Variants in CNGB1 observed in about 807,000 individuals in gnomAD.
The protein encoded by CNGB1 is cyclic nucleotide gated channel subunit beta 1, also known as cyclic nucleotide-gated channel beta-1.
CNGB1 carries 126 observed loss-of-function variants against 151.7 expected under a neutral mutation model. That is an observed-to-expected ratio of 0.83 (90% CI 0.72 to 0.96). The LOEUF (loss-of-function observed/expected upper bound fraction) is 0.96, where lower values mean the gene tolerates loss of function less well. CNGB1 is among the 40% of genes least tolerant of loss of function. The pLI, the probability that CNGB1 is intolerant of heterozygous loss-of-function variation, is 0.00. For missense variants in CNGB1, 1,698 were observed against 1,627.0 expected (o/e 1.04, Z -0.75); for synonymous variants, 623 against 635.1 (o/e 0.98, Z 0.29).
intron 25 of CNGB1, among the ~76,000 whole-genome samples, chr16:57,910,082 G>A (rs932291565): frequency 5.3e-5 from 8 of 152,070 alleles, no homozygotes; most frequent in Admixed American, 3.3e-4. Flanking sequence ...CCCAACCATC[G>A]GAACGGACCC....
At chr16:57,939,171 G>A (rs896474907) in intron 16 of CNGB1, among the ~76,000 whole-genome samples, 11 of 152,108 alleles carry the variant, frequency 7.2e-5, no homozygotes, top group Admixed American at 5.2e-4. Flanking sequence ...GGCTGGGATC[G>A]GGATTTCCCC....
chr16:57,896,976 T>C (rs1380279122), intron 31 of CNGB1, among the ~76,000 whole-genome samples: 3 of 152,106 alleles, frequency 2.0e-5, no homozygotes, highest in East Asian at 3.9e-4. Flanking sequence ...AATGAGATAA[T>C]AGTGTTGTTT....
At chr16:57,968,910 A>G (rs1339479254) in intron 1 of CNGB1, among the ~76,000 whole-genome samples, 2 of 150,998 alleles carry the variant, frequency 1.3e-5, no homozygotes, top group East Asian at 1.9e-4. Context: ...GTGCACCTGT[A>G]GTCCCAGCTA....
chr16:57,966,378 CA>C (rs1407358703), intron 2 of CNGB1, among the ~76,000 whole-genome samples: 1 of 152,216 alleles, frequency 6.6e-6, no homozygotes, highest in Non-Finnish European at 1.5e-5. Context: ...GAAGCTAAAT[CA>C]AATGTGTCGA....
chr16:57,884,595 T>G (rs1596942123), intron 32 of CNGB1, 138 bp from the exon 33 acceptor site: 1 of 889,774 alleles, frequency 1.1e-6, no homozygotes, highest in Non-Finnish European at 1.8e-6. Context: ...ATCTAGTGGG[T>G]GGGGTGGAGC....
chr16:57,957,463 C>A, intron 11 of CNGB1, 86 bp from the exon 12 acceptor site: 1 of 1,129,526 alleles, frequency 8.9e-7, no homozygotes, highest in Non-Finnish European at 1.3e-6. Flanking sequence ...AGCACGTGAC[C>A]TTGACCCACC....
chr16:57,941,819 T>C (rs116615053), intron 14 of CNGB1, among the ~76,000 whole-genome samples: 2,238 of 152,202 alleles, frequency 0.015, 58 homozygotes, highest in African/African-American at 0.05. Context: ...TCACTAGTTA[T>C]TTATTTTTCT....
chr16:57,901,444 G>C lies in CNGB1; in HGVS notation c.2893-9C>G. 6.2e-7 allele frequency: 1 copy of C among 1,614,200 alleles called. No homozygotes were observed. Among genetic ancestry groups the C allele is most frequent in the Non-Finnish European group, 8.5e-7 (1 of 1,180,002 alleles). On this transcript the variant is annotated splice_polypyrimidine_tract_variant and intron_variant, in intron 28 of 32. Transcript: ENST00000251102. The stretch of plus-strand genomic sequence containing the variant: ...ATCTGCCGGTCACAGCCCTGTCCCG[G>C]TGAGGAAGGGAAAGGAACTTTTTAG...
At chr16:57,915,897 CAA>C (rs36093437) in intron 22 of CNGB1, among the ~76,000 whole-genome samples, 37 of 103,216 alleles carry the variant, frequency 3.6e-4, no homozygotes, top group East Asian at 6.1e-4. Context: ...GACCCTGTCT[CAA>C]AAAAAAAAAA....
rs144750288 is a variant in CNGB1 at position 57,915,456 on chromosome 16, G to A, written c.2218-121C>T. 96 of 790,862 alleles carry A rather than the reference G, an allele frequency of 1.2e-4. No individual in the cohort carries two copies. The East Asian group carries it at 2.3e-3, about 19-fold the overall frequency. 49.0% of individuals were successfully genotyped at this position (790,862 alleles called of 1,614,324 possible). ...GGTGAGGTCAGAATGCCCCAGTAGA[G>A]CTTAAAACTAGAGGGCAGAAGGTGT... On this transcript the variant is annotated intron_variant, in intron 22 of 32. Transcript: ENST00000251102.
Position 57,884,089 on chromosome 16 carries a change from G to C in CNGB1, c.*75C>G. The C allele has an allele frequency of 6.2e-7, 1 of 1,600,750 alleles. No homozygotes were observed. The highest frequency in any genetic ancestry group is 1.1e-5 in the South Asian group (1 of 90,754). On this transcript the variant is annotated 3_prime_UTR_variant, in exon 33 of 33. Coordinates refer to ENST00000251102, the MANE Select transcript of CNGB1 (RefSeq NM_001297.5). ...CTTGAGCCGTGGGGGAAGGTGGGGCGCTGGGGCGCAGGGGCGCAGCGGGCG... is the reference window on the plus strand; with the variant it reads ...CTTGAGCCGTGGGGGAAGGTGGGGCCCTGGGGCGCAGGGGCGCAGCGGGCG...
At position 57,912,478 on chromosome 16, in the gene CNGB1, C is replaced by T. The variant is rs115164193; in HGVS notation, c.2369+452G>A. ...TTCTCTGGGAAAGAGGAGGCGGGAC[C>T]AGGAAGATGCCTGGCTTCCAGTGGA... is the stretch of plus-strand genomic sequence containing the variant. On this transcript the variant is annotated intron_variant, in intron 24 of 32. Coordinates refer to ENST00000251102, the MANE Select transcript of CNGB1 (RefSeq NM_001297.5). 5.4e-3 allele frequency among the ~76,000 whole-genome samples: 818 copies of T among 152,226 alleles called. 8 individuals carry two copies. The highest frequency in any genetic ancestry group is 0.018 in the African/African-American group (730 of 41,544).
intron 4 of CNGB1, among the ~76,000 whole-genome samples, chr16:57,963,744 C>A (rs539690440): frequency 5.5e-4 from 83 of 152,292 alleles, no homozygotes; most frequent in African/African-American, 1.9e-3. Context: ...TGTACAGGGG[C>A]GCTCACTATG....
chr16:57,932,990 C>T (rs194119), intron 16 of CNGB1, among the ~76,000 whole-genome samples: 1 of 152,174 alleles, frequency 6.6e-6, no homozygotes, highest in Non-Finnish European at 1.5e-5. Context: ...TTGCAGCTCA[C>T]TGCAACCTCT....
In CNGB1 at chr16:57,914,027, T is replaced by C. The variant is rs562597308; in HGVS notation, c.2305-1033A>G. On this transcript the variant is annotated intron_variant, in intron 23 of 32. Coordinates refer to ENST00000251102, the MANE Select transcript of CNGB1 (RefSeq NM_001297.5). ...TATTTGAAAATAGTATTTATGAAGA[T>C]TCTCTAAGGGATATTCCAGTTATCA... 2.1e-3 allele frequency among the ~76,000 whole-genome samples: 315 copies of C among 152,348 alleles called. 2 individuals carry two copies. The highest frequency in any genetic ancestry group is 7.5e-3 in the African/African-American group (310 of 41,586).
At chr16:57,953,943 A>C (rs1962024340) in intron 12 of CNGB1, among the ~76,000 whole-genome samples, 1 of 152,004 alleles carries the variant, frequency 6.6e-6, no homozygotes, top group Non-Finnish European at 1.5e-5. Context: ...TTGAATCAGA[A>C]AGTCTGGGGT....
rs148191900 is a variant in CNGB1, at chr16:57,964,481, A to G, written c.217+6T>C. 8.7e-5 allele frequency: 141 copies of G among 1,613,778 alleles called. No individual in the cohort carries two copies. The African/African-American group carries it at 1.6e-3, about 19-fold the overall frequency. Reference sequence around the variant, plus strand: ...TGCCAGCCTGGGCTTCAGCACTCGCACTCACCCTGAGGGCTTGGGTCTGCC... The same window carrying G: ...TGCCAGCCTGGGCTTCAGCACTCGCGCTCACCCTGAGGGCTTGGGTCTGCC... On this transcript the variant is annotated splice_donor_region_variant and intron_variant, in intron 3 of 32. Transcript: ENST00000251102.
intron 29 of CNGB1, 60 bp from the exon 30 acceptor site, chr16:57,897,974 C>T (rs1489205391): frequency 1.3e-6 from 2 of 1,570,854 alleles, no homozygotes; most frequent in South Asian, 1.1e-5. Context: ...GAGAAGCAGC[C>T]AGGGCTGGAT....
At chr16:57,889,465 T>C (rs577862651) in intron 31 of CNGB1, among the ~76,000 whole-genome samples, 14 of 152,294 alleles carry the variant, frequency 9.2e-5, no homozygotes, top group African/African-American at 3.4e-4. Context: ...ATCCTGGAAG[T>C]GGGTCCTTCC....
Sources: allele counts gnomAD v4.1 joint callset (sites outside exome capture counted in the v4.1 genomes callset), GRCh38; gene constraint gnomAD v4.1.1; transcripts MANE v1.5; gene names NCBI Gene and HGNC (gene_info 2026-07-23, HGNC 2026-07-21).